TEX29: variants seen among roughly 807,000 people sequenced by gnomAD.
TEX29 encodes testis-expressed protein 29.
A neutral mutation model predicts 18.2 loss-of-function variants in TEX29; 26 were observed. That is an observed-to-expected ratio of 1.43 (90% CI 1.04 to 1.98). The LOEUF is 1.98. TEX29 is among the 30% of genes most tolerant of loss of function. TEX29 has a pLI of 0.00. For missense variants in TEX29, 177 were observed against 194.2 expected (o/e 0.91, Z 0.53); for synonymous variants, 83 against 78.5 (o/e 1.06, Z -0.31).
upstream of TEX29, among the ~76,000 whole-genome samples, chr13:111,316,439 G>A (rs1230926083): frequency 6.6e-6 from 1 of 152,234 alleles, no homozygotes; most frequent in African/African-American, 2.4e-5. Flanking sequence ...AAGGAGTTCT[G>A]TGCACTGTGG....
At chr13:111,343,031 C>G (rs1431066557) in intron 5 of TEX29, 100 bp downstream of exon 5, 39 of 1,366,352 alleles carry the variant, frequency 2.9e-5, no homozygotes, top group Non-Finnish European at 3.8e-5. Context: ...CTACACAGGC[C>G]CTTCAACCTC....
At chr13:111,338,347 T>C (rs550455817) in intron 3 of TEX29, among the ~76,000 whole-genome samples, 2 of 151,736 alleles carry the variant, frequency 1.3e-5, no homozygotes, top group East Asian at 1.9e-4. Flanking sequence ...CACGTGACAA[T>C]AGGGGCAGAG....
At chr13:111,331,755 C>T (rs186624837) in intron 3 of TEX29, among the ~76,000 whole-genome samples, 1 of 152,188 alleles carries the variant, frequency 6.6e-6, no homozygotes. Flanking sequence ...GGAAGGTTTC[C>T]AACTTCATTA....
At chr13:111,316,748 T>C (rs2093655280), upstream of TEX29, among the ~76,000 whole-genome samples, 1 of 152,214 alleles carries the variant, frequency 6.6e-6, no homozygotes, top group Non-Finnish European at 1.5e-5. Flanking sequence ...TTTAATTTCT[T>C]TCTTACTGTA....
At chr13:111,323,198 G>A (rs895001929) in intron 2 of TEX29, among the ~76,000 whole-genome samples, 1 of 152,216 alleles carries the variant, frequency 6.6e-6, no homozygotes, top group South Asian at 2.1e-4. Flanking sequence ...TCCGGGACAG[G>A]AGGCAGCTGG....
intron 4 of TEX29, among the ~76,000 whole-genome samples, chr13:111,340,200 C>T (rs1305635457): frequency 7.5e-6 from 1 of 133,390 alleles, no homozygotes; most frequent in Non-Finnish European, 1.6e-5. Flanking sequence ...TTAGTGAGCA[C>T]CTGTGCTTGT....
chr13:111,340,023 C>A, intron 4 of TEX29, 91 bp downstream of exon 4: 1 of 1,232,970 alleles, frequency 8.1e-7, no homozygotes, highest in Non-Finnish European at 1.2e-6. Context: ...CTCCTTCGGG[C>A]TTGGTGCTGC....
Position 111,320,845 on chromosome 13 carries a change from C to T in TEX29, c.-34-12C>T, listed in dbSNP as rs1372249820. The stretch of plus-strand genomic sequence containing the variant: ...CAGGGCCCCGCCCGTGCTGACCTCT[C>T]CTGTTTTCCAGGTGTGCTCGGCCCC... On this transcript the variant is annotated splice_polypyrimidine_tract_variant and intron_variant, in intron 1 of 5. Coordinates refer to ENST00000283547, the MANE Select transcript of TEX29 (RefSeq NM_152324.3). The T allele has an allele frequency of 6.2e-7, 1 of 1,613,396 alleles. No individual in the cohort carries two copies. Among genetic ancestry groups the T allele is most frequent in the Non-Finnish European group, 8.5e-7 (1 of 1,179,750 alleles).
In TEX29 at chr13:111,320,917, C is replaced by A. The variant is rs201682685; in HGVS notation, c.27C>A (p.Asn9Lys). 1 of 1,612,242 alleles carries A rather than the reference C, an allele frequency of 6.2e-7. No homozygotes were observed. Among genetic ancestry groups the A allele is most frequent in the Non-Finnish European group, 8.5e-7 (1 of 1,179,720 alleles). The change falls in exon 2 of 6, where the codon AAC (asparagine) becomes AAA (lysine). Residue 9 changes from asparagine (N) to lysine (K), a missense_variant. Asn to Lys is a moderately conservative substitution (Grantham distance 94). Transcript: ENST00000283547. MEYVLEVK[N>K]SPRHLLKQFT... ...TGGAATACGTGCTGGAAGTGAAGAA[C>A]TCTCCGCGGCACCTCCTGAAGCAAT...
intron 3 of TEX29, among the ~76,000 whole-genome samples, chr13:111,332,260 TTTAAA>T (rs1161130709): frequency 6.6e-6 from 1 of 152,222 alleles, no homozygotes; most frequent in Non-Finnish European, 1.5e-5. Flanking sequence ...TCTTGAGCTT[TTTAAA>T]TTAAATTTAT....
intron 3 of TEX29, among the ~76,000 whole-genome samples, chr13:111,329,768 G>C (rs760008181): frequency 7.4e-4 from 112 of 152,120 alleles, no homozygotes; most frequent in Non-Finnish European, 8.4e-4. Flanking sequence ...CTTCTACAAG[G>C]TCTGAGGGTC....
At chr13:111,317,065 G>C (rs181794257), upstream of TEX29, among the ~76,000 whole-genome samples, 1 of 152,256 alleles carries the variant, frequency 6.6e-6, no homozygotes, top group African/African-American at 2.4e-5. Context: ...ATTACAATTC[G>C]AGATGAGATT....
At chr13:111,335,197 C>T (rs1426241242) in intron 3 of TEX29, among the ~76,000 whole-genome samples, 1 of 152,180 alleles carries the variant, frequency 6.6e-6, no homozygotes, top group Non-Finnish European at 1.5e-5. Flanking sequence ...TAATTATGGG[C>T]TTTACTGAAG....
chr13:111,340,009 T>C, intron 4 of TEX29, 77 bp downstream of exon 4: 1 of 1,440,286 alleles, frequency 6.9e-7, no homozygotes, highest in South Asian at 1.1e-5. Context: ...CCTGCCTGCC[T>C]GGGCTCCTTC....
chr13:111,329,266 A>C (rs1448532187), intron 3 of TEX29, among the ~76,000 whole-genome samples: 2 of 152,044 alleles, frequency 1.3e-5, no homozygotes, highest in African/African-American at 4.8e-5. Context: ...GGTGGAGATG[A>C]TGGACGTGGC....
At chr13:111,329,804 C>T (rs997674771) in intron 3 of TEX29, among the ~76,000 whole-genome samples, 3 of 152,122 alleles carry the variant, frequency 2.0e-5, no homozygotes, top group African/African-American at 4.8e-5. Context: ...TCGCAAGCCA[C>T]AGCCCACCTG....
intron 3 of TEX29, chr13:111,339,559 A>C: frequency 2.0e-6 from 1 of 500,926 alleles, no homozygotes; most frequent in Non-Finnish European, 3.6e-6. Context: ...GGGGGTCAGG[A>C]CCCAGTGCCG....
At chr13:111,332,514 C>T (rs1329230246) in intron 3 of TEX29, among the ~76,000 whole-genome samples, 1 of 151,682 alleles carries the variant, frequency 6.6e-6, no homozygotes, top group South Asian at 2.1e-4. Flanking sequence ...ATCTGAATGC[C>T]TTTTAGTTCA....
intron 3 of TEX29, among the ~76,000 whole-genome samples, chr13:111,337,880 G>A (rs1458328676): frequency 6.6e-6 from 1 of 152,058 alleles, no homozygotes; most frequent in Non-Finnish European, 1.5e-5. Flanking sequence ...AACTCTTATC[G>A]AGCGCCCATT....
Sources: gnomAD v4.1 joint callset for allele counts (sites outside exome capture counted in the v4.1 genomes callset) on GRCh38, gnomAD v4.1.1 for gene constraint, MANE v1.5 for transcripts, NCBI Gene and HGNC (gene_info 2026-07-23, HGNC 2026-07-21) for gene names.